Variants in RRP12 observed in about 807,000 individuals in gnomAD.
RRP12 encodes ribosomal RNA processing 12 homolog, also known as RRP12-like protein.
A neutral mutation model predicts 157.3 loss-of-function variants in RRP12; 78 were observed. The ratio of observed to expected loss-of-function variants is 0.50; its 90% CI spans 0.41 to 0.60. RRP12 has a LOEUF of 0.60. Among genes scored for constraint, RRP12 ranks in the 20% least tolerant of loss-of-function variants. The pLI, the probability that RRP12 is intolerant of heterozygous loss-of-function variation, is 0.00. For synonymous variants in RRP12, 726 were observed against 670.9 expected, an observed-to-expected ratio of 1.08 and a Z score of -1.27; for missense variants, 1,521 against 1,679.9, an observed-to-expected ratio of 0.91 and a Z score of 1.65.
chr10:97,370,931 C>A lies in RRP12; in HGVS notation c.2494G>T (p.Ala832Ser). 1.2e-6 allele frequency: 2 copies of A among 1,613,918 alleles called. No homozygotes were observed. The highest frequency in any genetic ancestry group is 8.5e-7 in the Non-Finnish European group (1 of 1,179,894). Residue 832 changes from alanine to serine, a missense_variant, in exon 21 of 34, where the codon GCC becomes TCC. Transcript: ENST00000370992. ...GGCCCTAGAGCCCTCACCCTCTTGGCGGGTGAGGAGGTGCTCCGCAGCGAG... is the reference window on the plus strand; with the variant it reads ...GGCCCTAGAGCCCTCACCCTCTTGGAGGGTGAGGAGGTGCTCCGCAGCGAG... The part of the protein sequence containing the change: ...LDSLRSTSSP[A>S]KRPRLKCLLH...
In RRP12 at chr10:97,366,700, G is replaced by C. The variant is rs781049489; in HGVS notation, c.3215+42C>G. The C allele has an allele frequency of 4.4e-6, 7 of 1,603,198 alleles. No homozygotes were observed. The South Asian group carries it at 7.8e-5, about 18-fold the overall frequency. On this transcript the variant is annotated intron_variant, in intron 27 of 33. Coordinates refer to ENST00000370992, the MANE Select transcript of RRP12 (RefSeq NM_015179.4). ...GGGTATTGCCTGGGCAGGCCCTTGG[G>C]TTGGGGGGACACCGGGTCCCATGGC...
intron 19 of RRP12, 152 bp downstream of exon 19, chr10:97,372,584 C>A: frequency 1.5e-6 from 1 of 677,858 alleles, no homozygotes; most frequent in East Asian, 2.8e-5. Context: ...GAAGAAGGAA[C>A]TAGTCAGCAC....
At chr10:97,379,596 C>T (rs754300508) in intron 14 of RRP12, 32 bp downstream of exon 14, 1 of 1,611,032 alleles carries the variant, frequency 6.2e-7, no homozygotes, top group African/African-American at 1.3e-5. Flanking sequence ...AAGCCTGGGG[C>T]TTGTCAGGAA....
At chr10:97,359,155 C>T in intron 31 of RRP12, 145 bp from the exon 32 acceptor site, 1 of 606,536 alleles carries the variant, frequency 1.6e-6, no homozygotes, top group Middle Eastern at 2.6e-4. Context: ...CAAACCAGGA[C>T]AAAGACCTTC....
intron 29 of RRP12, among the ~76,000 whole-genome samples, chr10:97,364,256 C>T (rs965046260): frequency 2.6e-5 from 4 of 152,190 alleles, no homozygotes; most frequent in Admixed American, 1.3e-4. Flanking sequence ...GGCGCTCCTG[C>T]AGCCCCATAC....
Position 97,366,464 on chromosome 10 carries a change from C to T in RRP12, c.3373G>A (p.Val1125Met), listed in dbSNP as rs1265047314. 1 of 1,612,714 alleles carries T rather than the reference C, an allele frequency of 6.2e-7. No homozygotes were observed. The highest frequency in any genetic ancestry group is 1.7e-5 in the Admixed American group (1 of 59,862). Residue 1125 changes from valine (V) to methionine (M), a missense_variant, in exon 28 of 34, where the codon GTG becomes ATG. By Grantham distance (21) the Val-to-Met change is conservative. Coordinates refer to ENST00000370992, the MANE Select transcript of RRP12 (RefSeq NM_015179.4). ...DEPLNFLDPK[V>M]AQRVLATQPG... ...TGCTTACCCAGGACTCGTTGGGCCACCTTGGGATCCAGGAAGTTGAGGGGC... is the reference window on the plus strand; with the variant it reads ...TGCTTACCCAGGACTCGTTGGGCCATCTTGGGATCCAGGAAGTTGAGGGGC...
chr10:97,361,997 C>T (rs1298453703), intron 30 of RRP12, among the ~76,000 whole-genome samples: 1 of 151,660 alleles, frequency 6.6e-6, no homozygotes, highest in Non-Finnish European at 1.5e-5. Context: ...ATCCCAGCTA[C>T]TCAGGAGGCT....
At position 97,366,861 on chromosome 10, in the gene RRP12, C is replaced by A. The variant is rs530502712; in HGVS notation, c.3096G>T (p.Leu1032=). Residue 1032 remains leucine (L), a synonymous_variant, in exon 27 of 34, where the codon CTG becomes CTT. Transcript: ENST00000370992. ...GGGCCTCAGCTTTCCGGATGTTGAC[C>A]AGGACTCTGTGGTACTCCTCGGGCA... is the stretch of plus-strand genomic sequence containing the variant. ...RLLPEEYHRV[L]VNIRKAEARA... 2 of 1,614,174 alleles carry A rather than the reference C, an allele frequency of 1.2e-6. No individual in the cohort carries two copies. Among genetic ancestry groups the A allele is most frequent in the South Asian group, 1.1e-5 (1 of 91,084 alleles).
intron 8 of RRP12, among the ~76,000 whole-genome samples, chr10:97,386,971 C>G (rs1230912972): frequency 6.8e-6 from 1 of 148,072 alleles, no homozygotes; most frequent in African/African-American, 2.5e-5. Context: ...GCCTGGGTGA[C>G]AGAGCGAGAC....
At position 97,385,265 on chromosome 10, in the gene RRP12, T is replaced by G; in HGVS notation, c.1117-8A>C. The G allele has an allele frequency of 6.2e-7, 1 of 1,610,230 alleles. No homozygotes were observed. The highest frequency in any genetic ancestry group is 8.5e-7 in the Non-Finnish European group (1 of 1,176,700). ...AACATAGTCGTACAGGGCCTAAAAG[T>G]GGGAATAAGCAGGTGACTGAGCATG... On this transcript the variant is annotated splice_region_variant and splice_polypyrimidine_tract_variant and intron_variant, in intron 9 of 33. Coordinates refer to ENST00000370992, the MANE Select transcript of RRP12 (RefSeq NM_015179.4).
intron 20 of RRP12, chr10:97,371,478 C>G (rs1001403109): frequency 4.4e-5 from 10 of 227,302 alleles, no homozygotes; most frequent in African/African-American, 2.3e-4. Context: ...CCCCCAACGC[C>G]GGACACCTTT....
At chr10:97,385,760 T>C in intron 9 of RRP12, 135 bp downstream of exon 9, 1 of 637,776 alleles carries the variant, frequency 1.6e-6, no homozygotes, top group Admixed American at 2.5e-5. Flanking sequence ...CCCCTTCTAC[T>C]GGCCTCTTCC....
intron 4 of RRP12, among the ~76,000 whole-genome samples, chr10:97,392,671 C>G (rs1041431557): frequency 2.0e-5 from 3 of 150,188 alleles, no homozygotes; most frequent in African/African-American, 7.4e-5. Flanking sequence ...TTTTATTACT[C>G]AAAACAAATT....
intron 30 of RRP12, among the ~76,000 whole-genome samples, chr10:97,361,165 C>T (rs1165439056): frequency 1.3e-5 from 2 of 152,210 alleles, no homozygotes; most frequent in Non-Finnish European, 2.9e-5. Context: ...CATCACTGAT[C>T]CTCAACAATG....
At chr10:97,400,169 A>T in intron 2 of RRP12, 136 bp downstream of exon 2, 1 of 703,832 alleles carries the variant, frequency 1.4e-6, no homozygotes, top group South Asian at 1.7e-5. Context: ...AGGAGGAGAC[A>T]TAAAGGGGAG....
At chr10:97,394,629 C>A (rs1844904879) in intron 3 of RRP12, among the ~76,000 whole-genome samples, 1 of 152,170 alleles carries the variant, frequency 6.6e-6, no homozygotes, top group Admixed American at 6.5e-5. Flanking sequence ...GCCTCAAGCA[C>A]TCCTCCGATC....
chr10:97,358,980 G>A lies in RRP12; in HGVS notation c.3671C>T (p.Ala1224Val), dbSNP rs1322983752. 1 of 1,613,764 alleles carries A rather than the reference G, an allele frequency of 6.2e-7. No individual in the cohort carries two copies. Among genetic ancestry groups the A allele is most frequent in the Non-Finnish European group, 8.5e-7 (1 of 1,179,942 alleles). ...AGGSGIHRPV[A>V]KKAMPGAEYK... ...TTCAGCCCCAGGCATAGCCTTCTTG[G>A]CCACAGGGCGATGAATGCCAGAGCC... The change falls in exon 32 of 34, where the codon GCC becomes GTC. Residue 1224 changes from alanine to valine, a missense_variant. By Grantham distance (64) the Ala-to-Val change is moderately conservative. Transcript: ENST00000370992.
rs181562374 is a variant in RRP12, at chr10:97,382,245, A to G, written c.1209-419T>C. Among the ~76,000 whole-genome samples the G allele has an allele frequency of 8.5e-5, 13 of 152,250 alleles. No homozygotes were observed. In the East Asian group the frequency reaches 2.3e-3, roughly 27 times the overall value. Reference sequence around the variant, plus strand: ...ACGGAGTCTCAAACTCCTGGGCTCAAGTGATCCTCCCACCTCAGCCTCCTG... The same window carrying G: ...ACGGAGTCTCAAACTCCTGGGCTCAGGTGATCCTCCCACCTCAGCCTCCTG... On this transcript the variant is annotated intron_variant, in intron 10 of 33. Transcript: ENST00000370992.
rs114295537 is a variant in RRP12, at chr10:97,385,479, C to T, written c.1117-222G>A. 2.2e-3 allele frequency among the ~76,000 whole-genome samples: 329 copies of T among 151,950 alleles called. 1 individual carries two copies. Among genetic ancestry groups the T allele is most frequent in the African/African-American group, 7.4e-3 (308 of 41,450 alleles). On this transcript the variant is annotated intron_variant, in intron 9 of 33. Transcript: ENST00000370992. ...ACAGCCTCTAGGAGCAGCGGAGTATCATGGGTCACACACTCCTTTGTGAGT... is the reference window on the plus strand; with the variant it reads ...ACAGCCTCTAGGAGCAGCGGAGTATTATGGGTCACACACTCCTTTGTGAGT...
Sources: allele counts gnomAD v4.1 joint callset (sites outside exome capture counted in the v4.1 genomes callset), GRCh38; gene constraint gnomAD v4.1.1; transcripts MANE v1.5; gene names NCBI Gene and HGNC (gene_info 2026-07-23, HGNC 2026-07-21).